The following CKMT2 variants were observed in gnomAD, a reference collection of about 807,000 sequenced individuals.
The protein encoded by CKMT2 is creatine kinase S-type, mitochondrial.
CKMT2 carries 43 observed loss-of-function variants against 48.9 expected under a neutral mutation model. The ratio of observed to expected loss-of-function variants is 0.88; its 90% confidence interval spans 0.69 to 1.13. CKMT2 has a LOEUF of 1.13. Among genes scored for constraint, CKMT2 ranks in the 50% most tolerant of loss-of-function variants. CKMT2 has a pLI of 0.00. For synonymous variants in CKMT2, 206 were observed against 213.0 expected (o/e 0.97, Z 0.29); for missense variants, 472 against 555.4 (o/e 0.85, Z 1.51).
At chr5:81,239,931 C>T (rs16876403) in intron 1 of CKMT2, among the ~76,000 whole-genome samples, 54,668 of 152,014 alleles carry the variant, frequency 0.36, 10,331 homozygotes, top group Admixed American at 0.48. Flanking sequence ...CACGAGCACA[C>T]AGCGTTTTTT....
chr5:81,252,854 G>C lies in CKMT2; in HGVS notation c.312G>C (p.Lys104Asn). Residue 104 changes from lysine to asparagine, a missense_variant, in exon 3 of 10, where the codon AAG (lysine) becomes AAC (asparagine). Lys to Asn is a moderately conservative substitution (Grantham distance 94). Coordinates refer to ENST00000254035, the MANE Select transcript of CKMT2 (RefSeq NM_001099735.2). ...GVDNPGHPFIKTVGMVAGDEE... is the reference protein window; with the variant it reads ...GVDNPGHPFINTVGMVAGDEE... ...ACAACCCTGGCCACCCCTTCATAAA[G>C]ACTGTGGGCATGGTGGCTGGTGACG... 2 of 1,614,206 alleles carry C rather than the reference G, an allele frequency of 1.2e-6. No individual in the cohort carries two copies. Among genetic ancestry groups the C allele is most frequent in the Non-Finnish European group, 1.7e-6 (2 of 1,180,038 alleles).
At chr5:81,238,412 CA>C in intron 1 of CKMT2, 1 of 152,342 alleles carries the variant, frequency 6.6e-6, no homozygotes, top group Middle Eastern at 3.4e-3. Flanking sequence ...AAATGACTAT[CA>C]AAGTGCTGTA....
intron 8 of CKMT2, 54 bp downstream of exon 8, chr5:81,259,308 T>G: frequency 6.6e-7 from 1 of 1,519,196 alleles, no homozygotes; most frequent in Non-Finnish European, 8.9e-7. Flanking sequence ...CAGATGCGAC[T>G]GCTTTGTGGA....
In CKMT2 at chr5:81,259,141, C is replaced by CG; in HGVS notation, c.902dup (p.Gly302ArgfsTer8). On this transcript the variant is annotated frameshift_variant, in exon 8 of 10. Transcript: ENST00000254035. LOFTEE classifies it high-confidence loss of function. Reference sequence around the variant, plus strand: ...GTAGGTAGAACGGTTAATCCAAGAACGAGGCTGGGAGTTCATGTGGAATGA... The same window carrying CG: ...GTAGGTAGAACGGTTAATCCAAGAACGGAGGCTGGGAGTTCATGTGGAATGA... 6.2e-7 allele frequency: 1 copy of CG among 1,613,092 alleles called. No individual in the cohort carries two copies. The highest frequency in any genetic ancestry group is 8.5e-7 in the Non-Finnish European group (1 of 1,179,518).
rs747165015 is a variant in CKMT2, at chr5:81,259,121, T to C, written c.881T>C (p.Val294Ala). 81 of 1,612,448 alleles carry C rather than the reference T, an allele frequency of 5.0e-5. No individual in the cohort carries two copies. Among genetic ancestry groups the C allele is most frequent in the Non-Finnish European group, 6.4e-5 (76 of 1,179,258 alleles). Residue 294 changes from valine to alanine, a missense_variant and splice_region_variant, in exon 8 of 10, where the codon GTA becomes GCA. Transcript: ENST00000254035. The stretch of plus-strand genomic sequence containing the variant: ...TGTTCACTGTGGTTCTACTTGTAGG[T>C]AGAACGGTTAATCCAAGAACGAGGC... ...FERFCRGLKE[V>A]ERLIQERGWE...
intron 4 of CKMT2, 155 bp downstream of exon 4, chr5:81,254,646 G>C (rs1756934837): frequency 3.1e-6 from 2 of 650,952 alleles, no homozygotes; most frequent in South Asian, 3.7e-5. Flanking sequence ...GGGCCACAGA[G>C]AAGGTTAGGA....
intron 4 of CKMT2, 30 bp downstream of exon 4, chr5:81,254,521 C>T (rs199944303): frequency 2.3e-4 from 372 of 1,594,428 alleles, no homozygotes; most frequent in Non-Finnish European, 2.9e-4. Flanking sequence ...TCCTTCCCCA[C>T]GAAGCTGGCA....
At chr5:81,255,913 T>C (rs1756993395) in intron 5 of CKMT2, among the ~76,000 whole-genome samples, 1 of 150,944 alleles carries the variant, frequency 6.6e-6, no homozygotes, top group African/African-American at 2.4e-5. Flanking sequence ...ACAGGCCAAC[T>C]ATATGGCCTG....
chr5:81,251,841 G>A (rs970109349), intron 2 of CKMT2: 1 of 153,062 alleles, frequency 6.5e-6, no homozygotes, highest in Non-Finnish European at 1.5e-5. Context: ...AACATTTGTG[G>A]AGCACTTTTA....
intron 1 of CKMT2, among the ~76,000 whole-genome samples, chr5:81,236,282 C>T (rs1217616227): frequency 6.6e-6 from 1 of 152,078 alleles, no homozygotes; most frequent in African/African-American, 2.4e-5. Flanking sequence ...AGGTTTTAAG[C>T]CACAGGGGTG....
At chr5:81,258,581 C>T (rs989357246) in intron 7 of CKMT2, among the ~76,000 whole-genome samples, 1 of 152,098 alleles carries the variant, frequency 6.6e-6, no homozygotes, top group African/African-American at 2.4e-5. Context: ...CCCGGGGCCA[C>T]GGACCTGGTA....
At chr5:81,251,947 T>G (rs952579074) in intron 2 of CKMT2, 1 of 153,086 alleles carries the variant, frequency 6.5e-6, no homozygotes. Flanking sequence ...GTGCCCAAGT[T>G]CACATAGCTA....
chr5:81,257,122 G>A, intron 6 of CKMT2, 122 bp downstream of exon 6: 1 of 644,212 alleles, frequency 1.6e-6, no homozygotes. Context: ...TGAGCTAAAT[G>A]GAAAAAGACT....
intron 8 of CKMT2, among the ~76,000 whole-genome samples, chr5:81,259,897 C>A (rs1757151613): frequency 6.6e-6 from 1 of 152,164 alleles, no homozygotes; most frequent in African/African-American, 2.4e-5. Context: ...GAACTATCCA[C>A]CCAAAATCAA....
At chr5:81,236,641 A>T (rs921960333) in intron 1 of CKMT2, among the ~76,000 whole-genome samples, 1 of 152,224 alleles carries the variant, frequency 6.6e-6, no homozygotes, top group Non-Finnish European at 1.5e-5. Flanking sequence ...ACACTCAAGC[A>T]AAGGCTCAGA....
At chr5:81,253,225 C>T (rs1353574575) in intron 3 of CKMT2, among the ~76,000 whole-genome samples, 2 of 152,166 alleles carry the variant, frequency 1.3e-5, no homozygotes, top group Admixed American at 1.3e-4. Flanking sequence ...ACCAGTAAGA[C>T]ATTAGGAGCT....
intron 1 of CKMT2, among the ~76,000 whole-genome samples, chr5:81,249,679 ATTTCC>A (rs1756737527): frequency 6.6e-6 from 1 of 151,738 alleles, no homozygotes; most frequent in South Asian, 2.1e-4. Context: ...TTATGCTGTC[ATTTCC>A]TTTCTTTCTG....
chr5:81,239,310 G>T (rs1042811732), intron 1 of CKMT2: 1 of 152,272 alleles, frequency 6.6e-6, no homozygotes, highest in Non-Finnish European at 1.5e-5. Context: ...AGGCAAATTT[G>T]TATTAGTGAC....
chr5:81,260,145 G>GAAAT (rs1452909881), intron 8 of CKMT2, among the ~76,000 whole-genome samples: 3 of 152,276 alleles, frequency 2.0e-5, no homozygotes, highest in Admixed American at 6.5e-5. Context: ...AATAAAGGCA[G>GAAAT]AAATAAATAA....
Sources: gnomAD v4.1 joint callset for allele counts (sites outside exome capture counted in the v4.1 genomes callset) on GRCh38, gnomAD v4.1.1 for gene constraint, MANE v1.5 for transcripts, NCBI Gene and HGNC (gene_info 2026-07-23, HGNC 2026-07-21) for gene names.